The following DPP10 variants were observed in gnomAD, a reference collection of about 807,000 sequenced individuals.
DPP10 encodes the protein inactive dipeptidyl peptidase 10.
DPP10 carries 33 observed loss-of-function variants against 120.9 expected under a neutral mutation model. The ratio of observed to expected loss-of-function variants is 0.27; its 90% CI spans 0.21 to 0.37. The LOEUF is 0.37. DPP10 is among the 10% of genes least tolerant of loss of function. The pLI, the probability that DPP10 is intolerant of heterozygous loss-of-function variation, is 1.00. For synonymous variants in DPP10, 337 were observed against 326.1 expected (o/e 1.03, Z -0.36); for missense variants, 816 against 942.8 (o/e 0.87, Z 1.76).
rs1408385696 is a variant in DPP10, at chr2:115,352,995, T to C, written c.271+9083T>C. Among the ~76,000 whole-genome samples the C allele has an allele frequency of 2.0e-5, 3 of 151,934 alleles. No individual in the cohort carries two copies. The East Asian group carries it at 5.8e-4, about 29-fold the overall frequency. ...AATGATCATGACTAATATATACATG[T>C]ACCACTGACATGTTCAAAAAAAAAA... is the stretch of plus-strand genomic sequence containing the variant. On this transcript the variant is annotated intron_variant, in intron 3 of 25. Coordinates refer to ENST00000410059, the MANE Select transcript of DPP10 (RefSeq NM_020868.6).
intron 1 of DPP10, among the ~76,000 whole-genome samples, chr2:114,887,917 A>G (rs55874814): frequency 0.21 from 32,464 of 152,088 alleles, 3,819 homozygotes; most frequent in Middle Eastern, 0.33. Context: ...AGGCGGGTGG[A>G]TCACGAGGTC....
intron 1 of DPP10, among the ~76,000 whole-genome samples, chr2:114,468,709 A>C (rs777282744): frequency 9.9e-5 from 15 of 152,190 alleles, no homozygotes; most frequent in Non-Finnish European, 2.2e-4. Context: ...TTTAAACTGC[A>C]TCTTGAATGC....
intron 1 of DPP10, among the ~76,000 whole-genome samples, chr2:114,600,003 T>C (rs1311524718): frequency 6.6e-6 from 1 of 151,708 alleles, no homozygotes; most frequent in Non-Finnish European, 1.5e-5. Context: ...GTATCTAGGG[T>C]CTATTTTTTT....
intron 1 of DPP10, among the ~76,000 whole-genome samples, chr2:115,302,566 A>C (rs969495077): frequency 1.3e-5 from 2 of 151,872 alleles, no homozygotes; most frequent in African/African-American, 4.8e-5. Context: ...ACAGTGAGCC[A>C]TGATTGTGCC....
intron 1 of DPP10, among the ~76,000 whole-genome samples, chr2:114,685,149 T>C (rs1460341528): frequency 6.6e-6 from 1 of 151,996 alleles, no homozygotes; most frequent in Non-Finnish European, 1.5e-5. Flanking sequence ...AATTTTTCAT[T>C]GATTCCTCTT....
intron 1 of DPP10, among the ~76,000 whole-genome samples, chr2:114,561,335 T>C (rs1376398968): frequency 2.0e-5 from 3 of 152,272 alleles, no homozygotes; most frequent in African/African-American, 4.8e-5. Context: ...CCCTAGTCCT[T>C]GTCAAGTTTT....
At chr2:115,522,949 C>G (rs1334127085) in intron 4 of DPP10, among the ~76,000 whole-genome samples, 2 of 151,942 alleles carry the variant, frequency 1.3e-5, no homozygotes, top group African/African-American at 4.8e-5. Flanking sequence ...GAAAGAATAC[C>G]CCAAATGCAA....
chr2:114,971,650 TG>T (rs764521713), intron 1 of DPP10, among the ~76,000 whole-genome samples: 85 of 151,984 alleles, frequency 5.6e-4, no homozygotes, highest in Non-Finnish European at 1.0e-3. Context: ...ACTAACAAAA[TG>T]GAGAGAAAGA....
At chr2:115,117,589 C>T (rs1466937264) in intron 1 of DPP10, among the ~76,000 whole-genome samples, 8 of 152,166 alleles carry the variant, frequency 5.3e-5, no homozygotes, top group African/African-American at 1.9e-4. Flanking sequence ...GCCTGGGTGA[C>T]AGTGTGAGAG....
chr2:115,091,451 T>A (rs756458814), intron 1 of DPP10, among the ~76,000 whole-genome samples: 8 of 152,170 alleles, frequency 5.3e-5, no homozygotes, highest in Non-Finnish European at 8.8e-5. Context: ...TGGAGATCAT[T>A]TGAGTTTTAG....
intron 1 of DPP10, among the ~76,000 whole-genome samples, chr2:114,672,345 C>T (rs74693276): frequency 6.6e-6 from 1 of 152,094 alleles, no homozygotes; most frequent in South Asian, 2.1e-4. Context: ...CAAGTTATCC[C>T]TTTTTCTGTC....
chr2:114,737,785 C>A (rs563483180), intron 1 of DPP10, among the ~76,000 whole-genome samples: 1 of 152,294 alleles, frequency 6.6e-6, no homozygotes, highest in South Asian at 2.1e-4. Flanking sequence ...GCCACATAAG[C>A]CTGCTTCCTC....
rs76119465 is a variant in DPP10 at position 114,488,843 on chromosome 2, G to C, written c.60+46005G>C. On this transcript the variant is annotated intron_variant, in intron 1 of 25. Transcript: ENST00000410059. ...CTCCTATTTGGAAGCATAGGCTTAT[G>C]CTCTGTGTCAAGGCTGATTTATCAG... 4.6e-3 allele frequency among the ~76,000 whole-genome samples: 694 copies of C among 152,180 alleles called. 8 individuals carry two copies. The highest frequency in any genetic ancestry group is 0.016 in the African/African-American group (663 of 41,508).
At chr2:115,457,475 T>G (rs1574904972) in intron 3 of DPP10, among the ~76,000 whole-genome samples, 1 of 152,246 alleles carries the variant, frequency 6.6e-6, no homozygotes, top group East Asian at 1.9e-4. Context: ...TTTATGAAGA[T>G]CTTATATCTA....
At chr2:115,500,320 A>C (rs1327267448) in intron 4 of DPP10, among the ~76,000 whole-genome samples, 2 of 151,988 alleles carry the variant, frequency 1.3e-5, no homozygotes, top group East Asian at 3.9e-4. Context: ...ATTTTATTGT[A>C]ATTAAAGTTT....
chr2:115,535,795 G>A (rs2078790110), intron 5 of DPP10, among the ~76,000 whole-genome samples: 1 of 151,990 alleles, frequency 6.6e-6, no homozygotes, highest in Non-Finnish European at 1.5e-5. Flanking sequence ...TCCTTGAGCA[G>A]CGATTTGTAG....
chr2:115,235,249 T>C (rs1258464897), intron 1 of DPP10, among the ~76,000 whole-genome samples: 1 of 152,158 alleles, frequency 6.6e-6, no homozygotes, highest in African/African-American at 2.4e-5. Context: ...AAAATCTGCA[T>C]ATACCAAGGG....
chr2:114,539,287 C>A (rs1295314118), intron 1 of DPP10, among the ~76,000 whole-genome samples: 1 of 150,488 alleles, frequency 6.6e-6, no homozygotes, highest in East Asian at 1.9e-4. Context: ...TATATAACTT[C>A]TAGGAAAAGT....
At chr2:115,096,292 A>C (rs1709737408) in intron 1 of DPP10, among the ~76,000 whole-genome samples, 1 of 152,214 alleles carries the variant, frequency 6.6e-6, no homozygotes. Flanking sequence ...GAAGTGGCCA[A>C]CACCCAAGCT....
Sources: gnomAD v4.1 joint callset for allele counts (sites outside exome capture counted in the v4.1 genomes callset) on GRCh38, gnomAD v4.1.1 for gene constraint, MANE v1.5 for transcripts, NCBI Gene and HGNC (gene_info 2026-07-23, HGNC 2026-07-21) for gene names.